Variants in CAST observed in about 807,000 individuals in gnomAD.
CAST encodes calpastatin.
A neutral mutation model predicts 119.6 loss-of-function variants in CAST; 76 were observed. The ratio of observed to expected loss-of-function variants is 0.64; its 90% CI spans 0.53 to 0.77. The LOEUF (loss-of-function observed/expected upper bound fraction) is 0.77. Ranked by LOEUF, CAST falls within the 30% of genes least tolerant of loss-of-function variation. The pLI is 0.00. For synonymous variants in CAST, 319 were observed against 331.6 expected (o/e 0.96, Z 0.41); for missense variants, 953 against 946.5 (o/e 1.01, Z -0.09).
chr5:96,600,792 T>C (rs763510978), intron 1 of CAST, among the ~76,000 whole-genome samples: 3 of 152,234 alleles, frequency 2.0e-5, no homozygotes, highest in Non-Finnish European at 2.9e-5. Flanking sequence ...TTAAGCTTTA[T>C]AAGCTTAAGA....
chr5:96,192,637 G>A, the CAST span, among the ~76,000 whole-genome samples: 2 of 152,202 alleles, frequency 1.3e-5, no homozygotes, highest in Admixed American at 1.3e-4. Flanking sequence ...GCACCTTTCA[G>A]TGGGGCCTCT....
chr5:96,123,619 A>C, the CAST span, among the ~76,000 whole-genome samples: 1 of 152,172 alleles, frequency 6.6e-6, no homozygotes, highest in African/African-American at 2.4e-5. Context: ...TAGATTAGCA[A>C]AACAGTTGCT....
the CAST span, among the ~76,000 whole-genome samples, chr5:95,989,319 G>C: frequency 6.9e-4 from 105 of 152,174 alleles, 1 homozygote; most frequent in African/African-American, 1.9e-3. Flanking sequence ...TATATCTTTT[G>C]GGTTTTTAAT....
intron 24 of CAST, chr5:96,761,408 T>G (rs897181935): frequency 1.3e-5 from 2 of 152,306 alleles, no homozygotes; most frequent in East Asian, 3.8e-4. Flanking sequence ...AGGGTATAAA[T>G]GGACAATAAG....
the CAST span, among the ~76,000 whole-genome samples, chr5:96,261,329 T>C: frequency 5.1e-4 from 78 of 152,218 alleles, no homozygotes; most frequent in Non-Finnish European, 9.7e-4. Context: ...CAAATCTGTT[T>C]TCTGAGAAAG....
intron 1 of CAST, among the ~76,000 whole-genome samples, chr5:96,646,529 T>C (rs1447722578): frequency 6.6e-6 from 1 of 152,202 alleles, no homozygotes; most frequent in Non-Finnish European, 1.5e-5. Flanking sequence ...TAGATAGTAT[T>C]CTAGTATGTC....
At position 96,762,369 on chromosome 5, in the gene CAST, C is replaced by A; in HGVS notation, c.1929C>A (p.Thr643=). Residue 643 remains threonine (T), a synonymous_variant, in exon 25 of 32, where the codon ACC becomes ACA. Transcript: ENST00000675179. ...AAGCTGGAGCCCCACCCCGTGATAC[C>A]TCGGTAAGCAGCACATCTTATTTGG... ...TTQAGAPPRD[T]SQSDKDLDDA... 6.3e-7 allele frequency: 1 copy of A among 1,588,562 alleles called. No homozygotes were observed. Among genetic ancestry groups the A allele is most frequent in the Admixed American group, 1.9e-5 (1 of 53,604 alleles).
chr5:96,277,375 T>C, the CAST span, among the ~76,000 whole-genome samples: 1 of 152,296 alleles, frequency 6.6e-6, no homozygotes, highest in African/African-American at 2.4e-5. Context: ...TGGTTTTTTT[T>C]TCCTGTGATT....
rs190664567 is a variant in CAST, at chr5:96,690,385, T to G, written c.139-5451T>G. On this transcript the variant is annotated intron_variant, in intron 2 of 31. Transcript: ENST00000675179. ...TAGCTGGGGTTACAGACATGCGCCATTACACCCAGCTAATTTTTATTTTTA... is the reference window on the plus strand; with the variant it reads ...TAGCTGGGGTTACAGACATGCGCCAGTACACCCAGCTAATTTTTATTTTTA... Among the ~76,000 whole-genome samples the G allele has an allele frequency of 1.0e-3, 155 of 152,096 alleles. 1 individual carries two copies. Among genetic ancestry groups the G allele is most frequent in the African/African-American group, 3.4e-3 (142 of 41,520 alleles).
chr5:96,771,006 C>T (rs1772105554), intron 30 of CAST, among the ~76,000 whole-genome samples: 1 of 152,076 alleles, frequency 6.6e-6, no homozygotes, highest in African/African-American at 2.4e-5. Context: ...ATTCCAAGAA[C>T]ATATGATTTA....
the CAST span, among the ~76,000 whole-genome samples, chr5:96,133,589 C>T: frequency 2.0e-5 from 3 of 152,102 alleles, no homozygotes; most frequent in Non-Finnish European, 4.4e-5. Flanking sequence ...TTTACTTGTG[C>T]TTATGGTTCT....
chr5:96,137,764 T>C, the CAST span, among the ~76,000 whole-genome samples: 1 of 152,138 alleles, frequency 6.6e-6, no homozygotes, highest in Non-Finnish European at 1.5e-5. Context: ...CAATTTTTCA[T>C]ATATTTATTT....
At chr5:96,057,357 T>G in the CAST span, among the ~76,000 whole-genome samples, 1 of 152,216 alleles carries the variant, frequency 6.6e-6, no homozygotes, top group African/African-American at 2.4e-5. Flanking sequence ...AGTTTTTGAC[T>G]ATTTTGAGTT....
the CAST span, among the ~76,000 whole-genome samples, chr5:96,479,671 A>G: frequency 6.6e-6 from 1 of 151,998 alleles, no homozygotes; most frequent in South Asian, 2.1e-4. Flanking sequence ...GATTGTCTTT[A>G]TCTCTTGGCC....
chr5:96,513,776 A>T, the CAST span, among the ~76,000 whole-genome samples: 22,486 of 152,206 alleles, frequency 0.15, 1,991 homozygotes, highest in Middle Eastern at 0.2. Flanking sequence ...GGGTTGCCAT[A>T]ACAAAGTACC....
At chr5:96,591,675 C>A (rs866992990) in intron 1 of CAST, among the ~76,000 whole-genome samples, 1 of 152,198 alleles carries the variant, frequency 6.6e-6, no homozygotes, top group Non-Finnish European at 1.5e-5. Context: ...GTGACTCAGT[C>A]TCCAGGGCTT....
chr5:96,751,928 C>T (rs1221627321), intron 20 of CAST, among the ~76,000 whole-genome samples: 1 of 152,210 alleles, frequency 6.6e-6, no homozygotes, highest in Non-Finnish European at 1.5e-5. Flanking sequence ...AGGGCCTTAA[C>T]CCCACCAACT....
At chr5:96,419,562 C>A in the CAST span, among the ~76,000 whole-genome samples, 1 of 151,332 alleles carries the variant, frequency 6.6e-6, no homozygotes, top group Non-Finnish European at 1.5e-5. Flanking sequence ...GATCACCCAA[C>A]TACTAAGTGG....
At chr5:96,547,219 C>G (rs967460878) in intron 1 of CAST, among the ~76,000 whole-genome samples, 1 of 152,026 alleles carries the variant, frequency 6.6e-6, no homozygotes, top group Non-Finnish European at 1.5e-5. Flanking sequence ...TTATGGGTCC[C>G]AAAAAGTCCC....
Sources: allele counts gnomAD v4.1 joint callset (sites outside exome capture counted in the v4.1 genomes callset), GRCh38; gene constraint gnomAD v4.1.1; transcripts MANE v1.5; gene names NCBI Gene and HGNC (gene_info 2026-07-23, HGNC 2026-07-21).